Variants in DGKI observed in about 807,000 individuals in gnomAD.
DGKI encodes diacylglycerol kinase iota, also known as DAG kinase iota.
A neutral mutation model predicts 147.5 loss-of-function variants in DGKI; 55 were observed. The observed-to-expected ratio is 0.37, with a 90% CI of 0.30 to 0.47. The LOEUF (loss-of-function observed/expected upper bound fraction) is 0.47, where lower values mean the gene tolerates loss of function less well. DGKI is among the 20% of genes least tolerant of loss of function. The pLI is 1.00. For missense variants in DGKI, 1,007 were observed against 1,323.8 expected (o/e 0.76, Z 3.71); for synonymous variants, 469 against 477.1 (o/e 0.98, Z 0.22).
chr7:137,842,405 G>A (rs183965487), intron 1 of DGKI, among the ~76,000 whole-genome samples: 132 of 152,280 alleles, frequency 8.7e-4, no homozygotes, highest in African/African-American at 2.3e-3. Context: ...AAACTAAAGC[G>A]TTTAATACTC....
At chr7:137,784,034 A>G (rs1796595688) in intron 1 of DGKI, among the ~76,000 whole-genome samples, 3 of 152,212 alleles carry the variant, frequency 2.0e-5, no homozygotes, top group Admixed American at 2.0e-4. Flanking sequence ...TAAACCTCAC[A>G]GTACCTATAT....
At chr7:137,563,701 C>T (rs1404192640) in intron 19 of DGKI, among the ~76,000 whole-genome samples, 1 of 151,846 alleles carries the variant, frequency 6.6e-6, no homozygotes. Context: ...TTTAAGATAG[C>T]ATTAAAAATA....
intron 32 of DGKI, among the ~76,000 whole-genome samples, chr7:137,395,203 A>C (rs16874961): frequency 0.28 from 42,760 of 152,104 alleles, 6,884 homozygotes; most frequent in Admixed American, 0.35. Flanking sequence ...AGAATTTAAA[A>C]CACGTTGGAG....
intron 2 of DGKI, among the ~76,000 whole-genome samples, chr7:137,679,127 A>G (rs1823141373): frequency 6.6e-6 from 1 of 152,248 alleles, no homozygotes. Flanking sequence ...CAGTTATACC[A>G]GTAATAGGTA....
chr7:137,684,332 A>G (rs751254236), intron 2 of DGKI, among the ~76,000 whole-genome samples: 1 of 152,236 alleles, frequency 6.6e-6, no homozygotes, highest in Non-Finnish European at 1.5e-5. Flanking sequence ...AATAATTTTT[A>G]TGTTGATTAC....
intron 1 of DGKI, among the ~76,000 whole-genome samples, chr7:137,736,415 T>C (rs1273562816): frequency 6.6e-6 from 1 of 152,110 alleles, no homozygotes; most frequent in African/African-American, 2.4e-5. Context: ...AGTGGGCAAA[T>C]TATTTAGCTC....
At chr7:137,426,976 C>G (rs1279037168) in intron 28 of DGKI, among the ~76,000 whole-genome samples, 13 of 150,512 alleles carry the variant, frequency 8.6e-5, no homozygotes, top group Non-Finnish European at 1.6e-4. Flanking sequence ...CCACTGTCAA[C>G]ATTAGACAGA....
chr7:137,791,009 A>C (rs1001532804), intron 1 of DGKI, among the ~76,000 whole-genome samples: 2 of 152,146 alleles, frequency 1.3e-5, no homozygotes, highest in Admixed American at 6.6e-5. Context: ...ACTGCTGTAG[A>C]AGGAGCTGTG....
At chr7:137,425,070 A>G (rs565898703) in intron 28 of DGKI, among the ~76,000 whole-genome samples, 125 of 152,296 alleles carry the variant, frequency 8.2e-4, no homozygotes, top group Non-Finnish European at 1.3e-3. Flanking sequence ...GAGATCTGAG[A>G]ATGGGCAGAC....
chr7:137,566,669 CT>C (rs1453304237), intron 19 of DGKI, among the ~76,000 whole-genome samples: 1 of 151,974 alleles, frequency 6.6e-6, no homozygotes, highest in East Asian at 1.9e-4. Context: ...ATTCCATTTC[CT>C]TTTTTGCCAA....
At chr7:137,691,809 T>TTTTTTTTG (rs1554458893) in intron 1 of DGKI, among the ~76,000 whole-genome samples, 5 of 141,072 alleles carry the variant, frequency 3.5e-5, no homozygotes, top group African/African-American at 1.4e-4. Flanking sequence ...TTTTTTTTTT[T>TTTTTTTTG]TTTTTTTTTT....
At chr7:137,798,831 A>C (rs1022365792) in intron 1 of DGKI, among the ~76,000 whole-genome samples, 4 of 152,218 alleles carry the variant, frequency 2.6e-5, no homozygotes, top group African/African-American at 9.6e-5. Flanking sequence ...CTAGGAGTGC[A>C]AGGTTAGTTT....
At chr7:137,605,006 G>A (rs551136428) in intron 10 of DGKI, among the ~76,000 whole-genome samples, 1 of 152,098 alleles carries the variant, frequency 6.6e-6, no homozygotes, top group Non-Finnish European at 1.5e-5. Flanking sequence ...TCTTTCCACC[G>A]AAGGAGGTAT....
At chr7:137,752,971 T>A (rs1286156786) in intron 1 of DGKI, among the ~76,000 whole-genome samples, 1 of 152,098 alleles carries the variant, frequency 6.6e-6, no homozygotes, top group African/African-American at 2.4e-5. Context: ...ACCCTACTCA[T>A]CCTTCCTAGA....
chr7:137,613,282 T>C (rs1483891697), intron 8 of DGKI, among the ~76,000 whole-genome samples: 6 of 152,116 alleles, frequency 3.9e-5, no homozygotes, highest in Non-Finnish European at 1.5e-5. Context: ...GAGAGAGTAA[T>C]GGACTTAGTC....
intron 27 of DGKI, among the ~76,000 whole-genome samples, chr7:137,446,058 A>G (rs1262206921): frequency 2.6e-5 from 4 of 152,198 alleles, no homozygotes; most frequent in Non-Finnish European, 5.9e-5. Flanking sequence ...GTAAGTGAAA[A>G]CGTGTCTTGG....
chr7:137,443,588 C>T (rs1338050749), intron 28 of DGKI, among the ~76,000 whole-genome samples: 1 of 152,178 alleles, frequency 6.6e-6, no homozygotes, highest in African/African-American at 2.4e-5. Context: ...CAATTCATCT[C>T]AACTGGGTAA....
At chr7:137,484,886 G>GA (rs1201071049) in intron 23 of DGKI, among the ~76,000 whole-genome samples, 2 of 151,978 alleles carry the variant, frequency 1.3e-5, no homozygotes, top group East Asian at 3.9e-4. Context: ...GGAGATGATG[G>GA]AAAAAAACAT....
At chr7:137,654,699 G>C in intron 5 of DGKI, 33 bp downstream of exon 5, 2 of 1,426,428 alleles carry the variant, frequency 1.4e-6, no homozygotes, top group Non-Finnish European at 2.0e-6. Context: ...GAAATCAAAG[G>C]TGATACTTGA....
Sources: gnomAD v4.1 joint callset for allele counts (sites outside exome capture counted in the v4.1 genomes callset) on GRCh38, gnomAD v4.1.1 for gene constraint, MANE v1.5 for transcripts, NCBI Gene and HGNC (gene_info 2026-07-23, HGNC 2026-07-21) for gene names.